Variants in DHRS7 observed in about 807,000 individuals in gnomAD.
DHRS7 encodes dehydrogenase/reductase 7.
In DHRS7, 34 loss-of-function variants were observed where a neutral mutation model predicts 38.9. The ratio of observed to expected loss-of-function variants is 0.87; its 90% CI spans 0.66 to 1.16. The LOEUF is 1.16. Among genes scored for constraint, DHRS7 ranks in the 50% most tolerant of loss-of-function variants. The pLI is 0.00. For synonymous variants in DHRS7, 158 were observed against 153.1 expected (o/e 1.03, Z -0.24); for missense variants, 421 against 407.0 (o/e 1.03, Z -0.30).
At position 60,148,951 on chromosome 14, in the gene DHRS7, T is replaced by C. The variant is rs1896470780; in HGVS notation, c.972+402A>G. On this transcript the variant is annotated intron_variant, in intron 6 of 6. Transcript: ENST00000557185. This position sits in a 1 kb window ranked among gnomAD's most constrained non-coding sequence, Gnocchi z 4.8. ...TATTTTTTATTTATTTTTCTTTATATCATGAGATTGGTGGAGGGTTAGAAA... is the reference window on the plus strand; with the variant it reads ...TATTTTTTATTTATTTTTCTTTATACCATGAGATTGGTGGAGGGTTAGAAA... The C allele has an allele frequency of 6.2e-6, 1 of 161,976 alleles. No individual in the cohort carries two copies. Among genetic ancestry groups the C allele is most frequent in the South Asian group, 1.7e-4 (1 of 5,810 alleles). 10.0% of individuals were successfully genotyped at this position (161,976 alleles called of 1,614,324 possible).
At chr14:60,149,612 A>G (rs1268816246) in intron 5 of DHRS7, 44 bp from the exon 6 acceptor site, 1 of 1,492,796 alleles carries the variant, frequency 6.7e-7, no homozygotes, top group East Asian at 2.3e-5. Flanking sequence ...AAGCGATTTC[A>G]CATAACTTTA....
At chr14:60,157,172 G>T (rs568888224) in intron 1 of DHRS7, among the ~76,000 whole-genome samples, 1 of 152,200 alleles carries the variant, frequency 6.6e-6, no homozygotes, top group Non-Finnish European at 1.5e-5. Context: ...GATGTTAACA[G>T]TACCATCCCT....
intron 2 of DHRS7, among the ~76,000 whole-genome samples, chr14:60,154,340 A>G (rs1896614626): frequency 6.6e-6 from 1 of 152,146 alleles, no homozygotes; most frequent in Non-Finnish European, 1.5e-5. Context: ...ACAAACTAGA[A>G]AAGAGCAAAT....
intron 6 of DHRS7, chr14:60,149,094 T>A (rs1486190944): frequency 2.3e-6 from 1 of 438,918 alleles, no homozygotes; most frequent in Non-Finnish European, 4.2e-6. Context: ...TGCCTCAGCC[T>A]CCCGAGTAGC....
Position 60,152,919 on chromosome 14 carries a change from T to C in DHRS7, c.633+20A>G. 6.2e-7 allele frequency: 1 copy of C among 1,613,630 alleles called. No homozygotes were observed. Among genetic ancestry groups the C allele is most frequent in the South Asian group, 1.1e-5 (1 of 91,054 alleles). On this transcript the variant is annotated intron_variant, in intron 4 of 6. Transcript: ENST00000557185. ...CACATTTAAGTCAGTTCTATCAGAG[T>C]TGAGTTTGAGCAGCCTTACCCGGAG...
At chr14:60,151,057 A>G (rs1263081551) in intron 4 of DHRS7, among the ~76,000 whole-genome samples, 1 of 152,218 alleles carries the variant, frequency 6.6e-6, no homozygotes, top group Non-Finnish European at 1.5e-5. Context: ...TTTTTGGGGC[A>G]AAGGTGAGGA....
Position 60,150,124 on chromosome 14 carries a change from A to AG in DHRS7, c.696_697insC (p.Cys233LeufsTer25). On this transcript the variant is annotated frameshift_variant, in exon 5 of 7. Coordinates refer to ENST00000557185, the MANE Select transcript of DHRS7 (RefSeq NM_016029.4). LOFTEE classifies it high-confidence loss of function. ...ATATTTGATTGCACAGGTCCTGGGCAAATGTTAGAAACTATTATACCTGGG... is the reference window on the plus strand; with the variant it reads ...ATATTTGATTGCACAGGTCCTGGGCAGAATGTTAGAAACTATTATACCTGGG... The AG allele has an allele frequency of 6.2e-7, 1 of 1,609,150 alleles. No homozygotes were observed. Among genetic ancestry groups the AG allele is most frequent in the African/African-American group, 1.3e-5 (1 of 74,378 alleles).
chr14:60,169,846 T>G (rs1386399449), upstream of DHRS7: 2 of 152,286 alleles, frequency 1.3e-5, no homozygotes, highest in East Asian at 3.8e-4. Flanking sequence ...CCCTAAGCAG[T>G]CTTGGATTGC....
chr14:60,166,468 T>C (rs1326147525), upstream of DHRS7, among the ~76,000 whole-genome samples: 1 of 152,222 alleles, frequency 6.6e-6, no homozygotes, highest in Non-Finnish European at 1.5e-5. Flanking sequence ...AAAACAGTCA[T>C]GGAAATAAAA....
At chr14:60,159,036 C>T in intron 1 of DHRS7, 2 of 456,530 alleles carry the variant, frequency 4.4e-6, no homozygotes, top group Non-Finnish European at 8.8e-6. Flanking sequence ...CTCAAACATT[C>T]ATCAAGGATT....
rs532052696 is a variant in DHRS7, at chr14:60,150,844, C to G, written c.634-657G>C. On this transcript the variant is annotated intron_variant, in intron 4 of 6. Transcript: ENST00000557185. ...CTTTCCAGGTATAAATGGTTCACCCCCTTTGATAGTGAGGGGTCTTCCCAT... is the reference window on the plus strand; with the variant it reads ...CTTTCCAGGTATAAATGGTTCACCCGCTTTGATAGTGAGGGGTCTTCCCAT... Among the ~76,000 whole-genome samples the G allele has an allele frequency of 5.6e-4, 86 of 152,232 alleles. 3 individuals are homozygous for G. The Middle Eastern group carries it at 0.02, about 36-fold the overall frequency.
chr14:60,152,918 GTTGAGT>G lies in DHRS7; in HGVS notation c.633+15_633+20del. On this transcript the variant is annotated intron_variant, in intron 4 of 6. Coordinates refer to ENST00000557185, the MANE Select transcript of DHRS7 (RefSeq NM_016029.4). ...ACACATTTAAGTCAGTTCTATCAGA[GTTGAGT>G]TTGAGCAGCCTTACCCGGAGAGCAT... is the stretch of plus-strand genomic sequence containing the variant. The G allele has an allele frequency of 6.2e-7, 1 of 1,613,684 alleles. No individual in the cohort carries two copies. Among genetic ancestry groups the G allele is most frequent in the Non-Finnish European group, 8.5e-7 (1 of 1,179,706 alleles).
At position 60,162,665 on chromosome 14, in the gene DHRS7, A is replaced by T. The variant is rs1896787555; in HGVS notation, c.133+2512T>A. Among the ~76,000 whole-genome samples, 1 of 151,992 alleles carries T rather than the reference A, an allele frequency of 6.6e-6. No homozygotes were observed. The highest frequency in any genetic ancestry group is 2.4e-5 in the African/African-American group (1 of 41,380). On this transcript the variant is annotated intron_variant, in intron 1 of 6. Coordinates refer to ENST00000557185, the MANE Select transcript of DHRS7 (RefSeq NM_016029.4). The surrounding 1 kb of genome is among the most constrained non-coding windows in gnomAD (Gnocchi z 4.5). ...TTTTTCATCTTGATAGAGTCTGCCCATCTCTCCAGTCTGAGCTGTTTTGGG... is the reference window on the plus strand; with the variant it reads ...TTTTTCATCTTGATAGAGTCTGCCCTTCTCTCCAGTCTGAGCTGTTTTGGG...
intron 5 of DHRS7, among the ~76,000 whole-genome samples, chr14:60,149,856 A>T (rs1896499731): frequency 6.6e-6 from 1 of 152,186 alleles, no homozygotes; most frequent in African/African-American, 2.4e-5. Flanking sequence ...GACAATTATC[A>T]CTTTTGTAAT....
At position 60,153,602 on chromosome 14, in the gene DHRS7, A is replaced by C. The variant is rs1357131447; in HGVS notation, c.393+357T>G. ...TCCCAGCTACTCAGGAGGCTGAGGC[A>C]GGAGAATCCCTTAAACCTGGGAGGC... is the stretch of plus-strand genomic sequence containing the variant. On this transcript the variant is annotated intron_variant, in intron 3 of 6. Coordinates refer to ENST00000557185, the MANE Select transcript of DHRS7 (RefSeq NM_016029.4). This position sits in a 1 kb window ranked among gnomAD's most constrained non-coding sequence, Gnocchi z 4.4. Among the ~76,000 whole-genome samples the C allele has an allele frequency of 6.6e-6, 1 of 152,194 alleles. No homozygotes were observed. The highest frequency in any genetic ancestry group is 1.5e-5 in the Non-Finnish European group (1 of 68,034).
At chr14:60,150,751 A>C (rs1896527032) in intron 4 of DHRS7, among the ~76,000 whole-genome samples, 1 of 152,196 alleles carries the variant, frequency 6.6e-6, no homozygotes, top group African/African-American at 2.4e-5. Flanking sequence ...AGTCTTTGCT[A>C]TTGTGAATAG....
chr14:60,151,066 G>A lies in DHRS7; in HGVS notation c.634-879C>T, dbSNP rs187365581. The stretch of plus-strand genomic sequence containing the variant: ...TGCAAATTTTTGGGGCAAAGGTGAG[G>A]AAGATGGGATTAGTACTTCACAGAA... On this transcript the variant is annotated intron_variant, in intron 4 of 6. Coordinates refer to ENST00000557185, the MANE Select transcript of DHRS7 (RefSeq NM_016029.4). Among the ~76,000 whole-genome samples, 236 of 152,276 alleles carry A rather than the reference G, an allele frequency of 1.5e-3. 1 individual carries two copies. The highest frequency in any genetic ancestry group is 5.5e-3 in the African/African-American group (229 of 41,562).
At chr14:60,156,720 C>A (rs1279323667) in intron 1 of DHRS7, among the ~76,000 whole-genome samples, 1 of 152,118 alleles carries the variant, frequency 6.6e-6, no homozygotes, top group African/African-American at 2.4e-5. Flanking sequence ...CCCCATTTGC[C>A]AATAATGCCT....
chr14:60,149,943 G>T, intron 5 of DHRS7, 122 bp downstream of exon 5: 1 of 987,636 alleles, frequency 1.0e-6, no homozygotes, highest in South Asian at 2.1e-5. Context: ...GGAGTTTTGT[G>T]AATAATTCAC....
Sources: gnomAD v4.1 joint callset for allele counts (sites outside exome capture counted in the v4.1 genomes callset) on GRCh38, gnomAD v4.1.1 for gene constraint, Gnocchi (gnomAD v3.1) non-coding constraint, MANE v1.5 for transcripts, NCBI Gene and HGNC (gene_info 2026-07-23, HGNC 2026-07-21) for gene names.